Variants in AMZ1 observed in about 807,000 individuals in gnomAD.
The protein encoded by AMZ1 is archaemetzincin-1.
AMZ1 carries 39 observed loss-of-function variants against 29.9 expected under a neutral mutation model. The observed-to-expected ratio is 1.30, with a 90% CI of 1.01 to 1.70. The LOEUF is 1.70. AMZ1 is among the 40% of genes most tolerant of loss of function. The probability of loss-of-function intolerance (pLI) is 0.00; values close to 1 mark genes in which losing one functional copy is unlikely to be tolerated. For missense variants in AMZ1, 1,041 were observed against 680.6 expected, an observed-to-expected ratio of 1.53 and a Z score of -5.89; for synonymous variants, 458 against 304.0, an observed-to-expected ratio of 1.51 and a Z score of -5.27.
intron 3 of AMZ1, among the ~76,000 whole-genome samples, chr7:2,707,978 C>T (rs1050939539): frequency 6.6e-6 from 1 of 151,974 alleles, no homozygotes; most frequent in African/African-American, 2.4e-5. Context: ...CACGCACCAC[C>T]AGGCCCGGCT....
At position 2,719,423 on chromosome 7, in the gene AMZ1, T is replaced by G. The variant is rs1789323077; in HGVS notation, c.*6545T>G. 6.6e-6 allele frequency among the ~76,000 whole-genome samples: 1 copy of G among 152,204 alleles called. No individual in the cohort carries two copies. Among genetic ancestry groups the G allele is most frequent in the African/African-American group, 2.4e-5 (1 of 41,454 alleles). ...CCAACAGCAGAGCCCAGAGCATCCC[T>G]TGGCCCGACGCACAAGTCCCACAAT... On this transcript the variant is annotated 3_prime_UTR_variant, in exon 7 of 7. Coordinates refer to ENST00000683327, the MANE Select transcript of AMZ1 (RefSeq NM_001384743.1).
intron 1 of AMZ1, among the ~76,000 whole-genome samples, chr7:2,680,386 TGGAGACCCCG>T (rs1295250779): frequency 6.6e-5 from 10 of 152,130 alleles, no homozygotes; most frequent in Admixed American, 2.0e-4. Flanking sequence ...CAGCAGGCAC[TGGAGACCCCG>T]GGAGACCCCG....
intron 1 of AMZ1, among the ~76,000 whole-genome samples, chr7:2,693,363 G>A (rs1231213460): frequency 1.3e-5 from 2 of 152,006 alleles, no homozygotes; most frequent in Admixed American, 6.6e-5. Flanking sequence ...TTACAGGTGT[G>A]AGCCACCGTG....
At chr7:2,762,592 C>T (rs1388386714), upstream of AMZ1, 1 of 1,504,922 alleles carries the variant, frequency 6.6e-7, no homozygotes, top group African/African-American at 1.4e-5. Flanking sequence ...ATTTACAAAC[C>T]CAAAAAAGGA....
At chr7:2,730,749 C>T (rs1789846845) in intron 4 of AMZ1, 1 of 166,752 alleles carries the variant, frequency 6.0e-6, no homozygotes, top group Admixed American at 5.7e-5. Flanking sequence ...TAGTCTGTCT[C>T]AGGGAAGACT....
intron 3 of AMZ1, among the ~76,000 whole-genome samples, chr7:2,705,264 C>G (rs546212884): frequency 1.3e-5 from 2 of 152,310 alleles, no homozygotes; most frequent in South Asian, 2.1e-4. Context: ...CTCCGCATCC[C>G]TCCCAGGGCA....
Position 2,704,505 on chromosome 7 carries a change from T to C in AMZ1, c.472+1616T>C, listed in dbSNP as rs117629097. The stretch of plus-strand genomic sequence containing the variant: ...CATTAAAAAAAAATCACAACCCCCA[T>C]ATATTGTGTTCCTAATTTCAGTTGT... On this transcript the variant is annotated intron_variant, in intron 3 of 6. Transcript: ENST00000683327. Among the ~76,000 whole-genome samples, 1,564 of 150,766 alleles carry C rather than the reference T, an allele frequency of 0.01. 14 individuals are homozygous for C. In the Middle Eastern group the frequency reaches 0.1, roughly 10 times the overall value.
At chr7:2,748,791 A>C (rs1181276717) in intron 4 of AMZ1, among the ~76,000 whole-genome samples, 1 of 152,042 alleles carries the variant, frequency 6.6e-6, no homozygotes, top group Non-Finnish European at 1.5e-5. Context: ...CAGAATCTAC[A>C]ATGAACTCAA....
intron 1 of AMZ1, among the ~76,000 whole-genome samples, chr7:2,693,194 C>T (rs572316724): frequency 7.2e-5 from 11 of 151,936 alleles, no homozygotes; most frequent in South Asian, 4.2e-4. Context: ...CTCCGCCTCC[C>T]GAGTTTAAGC....
At chr7:2,751,948 C>T (rs778665858) in intron 4 of AMZ1, among the ~76,000 whole-genome samples, 58 of 152,226 alleles carry the variant, frequency 3.8e-4, no homozygotes, top group African/African-American at 8.9e-4. Context: ...CACTAACGAA[C>T]GTGAACTTTT....
chr7:2,686,213 C>A (rs183997935), upstream of AMZ1, among the ~76,000 whole-genome samples: 8 of 152,258 alleles, frequency 5.3e-5, no homozygotes, highest in Non-Finnish European at 8.8e-5. Flanking sequence ...GCCTGCAGAA[C>A]GCAGTATGTG....
chr7:2,747,599 G>C (rs1372345225), intron 4 of AMZ1, among the ~76,000 whole-genome samples: 4 of 152,166 alleles, frequency 2.6e-5, no homozygotes, highest in Non-Finnish European at 4.4e-5. Flanking sequence ...CATTCCCTTT[G>C]AAAACTGGCA....
At chr7:2,730,976 A>T in intron 4 of AMZ1, 1 of 531,560 alleles carries the variant, frequency 1.9e-6, no homozygotes, top group Non-Finnish European at 3.4e-6. Flanking sequence ...ACTCGCCCCC[A>T]GGATTCAGTA....
chr7:2,741,334 AAC>A (rs1790493027), intron 4 of AMZ1, among the ~76,000 whole-genome samples: 1 of 152,124 alleles, frequency 6.6e-6, no homozygotes, highest in South Asian at 2.1e-4. Flanking sequence ...AGGCCTGGGC[AAC>A]AGAGTGAGAC....
intron 4 of AMZ1, among the ~76,000 whole-genome samples, chr7:2,743,354 T>C (rs549102842): frequency 2.0e-5 from 3 of 152,204 alleles, no homozygotes; most frequent in African/African-American, 7.2e-5. Flanking sequence ...ACATCCATAA[T>C]ACCCAAGATA....
At chr7:2,758,648 C>T (rs1791412794) in intron 4 of AMZ1, among the ~76,000 whole-genome samples, 1 of 152,176 alleles carries the variant, frequency 6.6e-6, no homozygotes, top group Non-Finnish European at 1.5e-5. Flanking sequence ...TCTCGGGGGC[C>T]CCCACAGCAC....
At chr7:2,745,025 G>T (rs1790698025) in intron 4 of AMZ1, among the ~76,000 whole-genome samples, 1 of 152,206 alleles carries the variant, frequency 6.6e-6, no homozygotes, top group African/African-American at 2.4e-5. Flanking sequence ...TATGTGAAAA[G>T]ACCAAATCTA....
rs112704881 is a variant in AMZ1, at chr7:2,734,924, C to T, written n.550+25108C>T. On this transcript the variant is annotated intron_variant and non_coding_transcript_variant, in intron 4 of 4. Coordinates refer to the AMZ1 transcript ENST00000489665. ...CCAGGGTGAACGTACCCCAAGGGCC[C>T]GGCACGACTGACCTCTCGTGCCTGC... 6.7e-3 allele frequency among the ~76,000 whole-genome samples: 1,014 copies of T among 152,242 alleles called. 14 individuals carry two copies. The highest frequency in any genetic ancestry group is 0.023 in the African/African-American group (951 of 41,532).
intron 1 of AMZ1, among the ~76,000 whole-genome samples, chr7:2,690,597 T>C (rs956702635): frequency 8.5e-5 from 13 of 152,180 alleles, no homozygotes; most frequent in African/African-American, 3.1e-4. Context: ...TGTCTCTGGC[T>C]GGGTTTCCGA....
Sources: gnomAD v4.1 joint callset for allele counts (sites outside exome capture counted in the v4.1 genomes callset) on GRCh38, gnomAD v4.1.1 for gene constraint, MANE v1.5 for transcripts, NCBI Gene and HGNC (gene_info 2026-07-23, HGNC 2026-07-21) for gene names.